The following STMN2 variants were observed in gnomAD, a reference collection of about 807,000 sequenced individuals.
STMN2 encodes the protein stathmin 2, also known as stathmin-2.
In STMN2, 2 loss-of-function variants were observed where a neutral mutation model predicts 24.1. The observed-to-expected ratio is 0.08, with a 90% CI of 0.03 to 0.26. The LOEUF (loss-of-function observed/expected upper bound fraction) is 0.26, where lower values mean the gene tolerates loss of function less well. Among genes scored for constraint, STMN2 ranks in the 10% least tolerant of loss-of-function variants. The pLI is 1.00. For synonymous variants in STMN2, 83 were observed against 77.5 expected, an observed-to-expected ratio of 1.07 and a Z score of -0.37; for missense variants, 114 against 213.6, an observed-to-expected ratio of 0.53 and a Z score of 2.91.
intron 4 of STMN2, among the ~76,000 whole-genome samples, chr8:79,660,291 T>C (rs1320654193): frequency 6.6e-6 from 1 of 152,188 alleles, no homozygotes; most frequent in Non-Finnish European, 1.5e-5. Flanking sequence ...TTCTTTCTTT[T>C]GTAATTCTAC....
chr8:79,664,538 T>C (rs13275565), intron 4 of STMN2, among the ~76,000 whole-genome samples: 17,995 of 152,256 alleles, frequency 0.12, 1,436 homozygotes, highest in Non-Finnish European at 0.18. Flanking sequence ...TTCTCTGGAT[T>C]TATACTCTGA....
At chr8:79,647,522 G>A (rs759825496) in intron 3 of STMN2, among the ~76,000 whole-genome samples, 26 of 152,256 alleles carry the variant, frequency 1.7e-4, no homozygotes, top group African/African-American at 4.6e-4. Flanking sequence ...CAGAGGCATC[G>A]CCACTTGGGC....
chr8:79,636,932 T>G, intron 2 of STMN2, 35 bp downstream of exon 2: 17 of 1,550,330 alleles, frequency 1.1e-5, no homozygotes, highest in Non-Finnish European at 1.3e-5. Context: ...CCCTGCTAGC[T>G]AGATCATTTG....
rs13269060 is a variant in STMN2, at chr8:79,641,277, G to A, written c.116-101G>A. On this transcript the variant is annotated intron_variant, in intron 2 of 4. Transcript: ENST00000220876. Reference sequence around the variant, plus strand: ...AAACAGCATTTTATTCCTATCTCCCGGAATAACAACGCTACTTCCAATTGC... The same window carrying A: ...AAACAGCATTTTATTCCTATCTCCCAGAATAACAACGCTACTTCCAATTGC... 187,591 of 1,301,624 alleles carry A rather than the reference G, an allele frequency of 0.14. 15,211 individuals are homozygous for A. The highest frequency in any genetic ancestry group is 0.17 in the Non-Finnish European group (159,144 of 956,500). 80.6% of individuals were successfully genotyped at this position (1,301,624 alleles called of 1,614,324 possible).
intron 3 of STMN2, among the ~76,000 whole-genome samples, chr8:79,649,210 TGGATTATTCACCGCTTGACATTCA>T (rs1350900242): frequency 6.6e-6 from 1 of 151,948 alleles, no homozygotes; most frequent in East Asian, 1.9e-4. Flanking sequence ...AACAAAGTAC[TGGATTATTCACCGCTTGACATTCA>T]GGAAACATTC....
intron 1 of STMN2, among the ~76,000 whole-genome samples, chr8:79,611,991 A>C (rs1809240773): frequency 6.6e-6 from 1 of 151,910 alleles, no homozygotes; most frequent in Non-Finnish European, 1.5e-5. Context: ...TGTGCGGACC[A>C]GCGGTCCCGG....
At chr8:79,664,791 T>C (rs756545553) in intron 4 of STMN2, 24 bp from the exon 5 acceptor site, 2 of 1,610,900 alleles carry the variant, frequency 1.2e-6, no homozygotes, top group Non-Finnish European at 1.7e-6. Flanking sequence ...CTGTGACATT[T>C]CTTCTTCCTT....
rs565583757 is a variant in STMN2 at position 79,642,962 on chromosome 8, C to T, written c.288+1412C>T. Among the ~76,000 whole-genome samples, 15 of 147,490 alleles carry T rather than the reference C, an allele frequency of 1.0e-4. No homozygotes were observed. In the South Asian group the frequency reaches 3.2e-3, roughly 31 times the overall value. On this transcript the variant is annotated intron_variant, in intron 3 of 4. Transcript: ENST00000220876. ...ATATTATAGATATATATAGCTATCT[C>T]TATATATTACATATACCAATTATAG... is the stretch of plus-strand genomic sequence containing the variant.
chr8:79,620,356 C>A (rs1809484211), intron 1 of STMN2, among the ~76,000 whole-genome samples: 1 of 151,788 alleles, frequency 6.6e-6, no homozygotes, highest in Admixed American at 6.6e-5. Context: ...ATAAAACATG[C>A]ACAGTGAGAA....
chr8:79,655,166 G>A, intron 4 of STMN2, 104 bp downstream of exon 4: 1 of 1,369,904 alleles, frequency 7.3e-7, no homozygotes, highest in South Asian at 1.4e-5. Context: ...ATTTGCTGCA[G>A]GTGTGAGGAC....
At chr8:79,639,052 A>G (rs1271981110) in intron 2 of STMN2, among the ~76,000 whole-genome samples, 1 of 152,210 alleles carries the variant, frequency 6.6e-6, no homozygotes, top group Non-Finnish European at 1.5e-5. Context: ...AGTATTATCT[A>G]GACTATCTAT....
intron 1 of STMN2, among the ~76,000 whole-genome samples, chr8:79,630,090 C>T (rs947688962): frequency 1.3e-5 from 2 of 152,152 alleles, no homozygotes; most frequent in Admixed American, 6.5e-5. Context: ...TCTGTGTCTT[C>T]CCAGTGTTCT....
At chr8:79,640,748 C>G (rs917309307) in intron 2 of STMN2, among the ~76,000 whole-genome samples, 1 of 152,196 alleles carries the variant, frequency 6.6e-6, no homozygotes, top group Non-Finnish European at 1.5e-5. Context: ...AATGAACATA[C>G]AGAAGGGCAA....
intron 1 of STMN2, among the ~76,000 whole-genome samples, chr8:79,611,504 G>C (rs1454747058): frequency 2.0e-5 from 3 of 152,052 alleles, no homozygotes; most frequent in Non-Finnish European, 4.4e-5. Context: ...AATCGTGAGG[G>C]GAGGAAGCTA....
intron 3 of STMN2, among the ~76,000 whole-genome samples, chr8:79,648,335 A>G (rs1585902951): frequency 6.6e-6 from 1 of 152,102 alleles, no homozygotes; most frequent in Non-Finnish European, 1.5e-5. Context: ...AGCAATTACT[A>G]TGTGAAGAAG....
At chr8:79,629,578 C>A (rs971535206) in intron 1 of STMN2, among the ~76,000 whole-genome samples, 3 of 152,142 alleles carry the variant, frequency 2.0e-5, no homozygotes, top group African/African-American at 7.2e-5. Context: ...GCGCATTTTA[C>A]AAAATTTCGT....
chr8:79,631,938 T>G (rs1220066900), intron 1 of STMN2, among the ~76,000 whole-genome samples: 2 of 152,122 alleles, frequency 1.3e-5, no homozygotes, highest in Non-Finnish European at 2.9e-5. Context: ...CTGATTTCTG[T>G]CTATGTTAAG....
Position 79,654,883 on chromosome 8 carries a change from C to G in STMN2, c.301C>G (p.Gln101Glu). The G allele has an allele frequency of 6.2e-7, 1 of 1,612,476 alleles. No homozygotes were observed. Reference protein sequence around the residue: ...AEERRKSQEAQVLKQLAEKRE... With the variant: ...AEERRKSQEAEVLKQLAEKRE... ...TTTTCTTCCCCAGTCTCAGGAGGCC[C>G]AGGTGCTGAAACAATTGGCAGAGAA... Residue 101 changes from glutamine (Q) to glutamate (E), a missense_variant, in exon 4 of 5, where the codon CAG (glutamine) becomes GAG (glutamate). Transcript: ENST00000220876.
rs144591746 is a variant in STMN2 at position 79,638,897 on chromosome 8, T to C, written c.115+2000T>C. Among the ~76,000 whole-genome samples, 609 of 152,310 alleles carry C rather than the reference T, an allele frequency of 4.0e-3. 2 individuals are homozygous for C. Among genetic ancestry groups the C allele is most frequent in the Middle Eastern group, 0.014 (4 of 294 alleles). On this transcript the variant is annotated intron_variant, in intron 2 of 4. Coordinates refer to ENST00000220876, the MANE Select transcript of STMN2 (RefSeq NM_007029.4). ...GTTTTTATTTGCCCGTGTTCTCTTATAATCCTTATCCATAGGTTTCCATAA... is the reference window on the plus strand; with the variant it reads ...GTTTTTATTTGCCCGTGTTCTCTTACAATCCTTATCCATAGGTTTCCATAA...
Sources: allele counts gnomAD v4.1 joint callset (sites outside exome capture counted in the v4.1 genomes callset), GRCh38; gene constraint gnomAD v4.1.1; transcripts MANE v1.5; gene names NCBI Gene and HGNC (gene_info 2026-07-23, HGNC 2026-07-21).